Variants in MAGI2 observed in about 807,000 individuals in gnomAD.
The protein encoded by MAGI2 is membrane-associated guanylate kinase, WW and PDZ domain-containing protein 2.
A neutral mutation model predicts 133.3 loss-of-function variants in MAGI2; 35 were observed. The observed-to-expected ratio is 0.26, with a 90% CI of 0.20 to 0.35. The LOEUF is 0.35. Among genes scored for constraint, MAGI2 ranks in the 10% least tolerant of loss-of-function variants. MAGI2 has a pLI of 1.00. For synonymous variants in MAGI2, 729 were observed against 710.6 expected, an observed-to-expected ratio of 1.03 and a Z score of -0.41; for missense variants, 1,636 against 1,863.4, an observed-to-expected ratio of 0.88 and a Z score of 2.25.
intron 16 of MAGI2, among the ~76,000 whole-genome samples, chr7:78,141,517 T>G (rs1470703675): frequency 2.0e-5 from 3 of 152,156 alleles, no homozygotes; most frequent in Non-Finnish European, 4.4e-5. Context: ...GTTTTGTATT[T>G]TAAAGTTTTT....
At chr7:79,222,625 T>G (rs891261949) in intron 1 of MAGI2, among the ~76,000 whole-genome samples, 10 of 152,156 alleles carry the variant, frequency 6.6e-5, no homozygotes, top group African/African-American at 2.2e-4. Flanking sequence ...ACTATCTCCC[T>G]TAACATCTAT....
chr7:78,546,392 A>G (rs1423501885), intron 3 of MAGI2, among the ~76,000 whole-genome samples: 1 of 152,176 alleles, frequency 6.6e-6, no homozygotes, highest in Non-Finnish European at 1.5e-5. Flanking sequence ...TTGAACATGT[A>G]AGATCCACTC....
chr7:79,183,377 T>C (rs1826787491), intron 1 of MAGI2, among the ~76,000 whole-genome samples: 1 of 151,770 alleles, frequency 6.6e-6, no homozygotes, highest in Non-Finnish European at 1.5e-5. Context: ...TAAAACAGTA[T>C]CATCATCCAA....
intron 20 of MAGI2, among the ~76,000 whole-genome samples, chr7:78,121,000 C>CAAAAAAAA (rs67572219): frequency 1.9e-4 from 14 of 75,130 alleles, no homozygotes; most frequent in Admixed American, 3.5e-4. Flanking sequence ...GACTCCGTCT[C>CAAAAAAAA]AAAAAAAAAA....
chr7:78,438,634 C>T (rs998869103), intron 6 of MAGI2, among the ~76,000 whole-genome samples: 4 of 152,180 alleles, frequency 2.6e-5, no homozygotes, highest in Non-Finnish European at 4.4e-5. Context: ...TCTGTACTCA[C>T]TCCAAACCTG....
intron 1 of MAGI2, among the ~76,000 whole-genome samples, chr7:79,211,831 C>CT (rs1829523985): frequency 6.6e-6 from 1 of 151,912 alleles, no homozygotes; most frequent in African/African-American, 2.4e-5. Context: ...GGTAAAACGG[C>CT]TTAGAAGTAA....
intron 3 of MAGI2, among the ~76,000 whole-genome samples, chr7:78,612,138 T>TC (rs1806518801): frequency 6.6e-6 from 1 of 152,202 alleles, no homozygotes; most frequent in African/African-American, 2.4e-5. Flanking sequence ...AATTTTTTTT[T>TC]CAGTAATAGA....
chr7:78,499,842 C>T (rs1485766226), intron 5 of MAGI2, among the ~76,000 whole-genome samples: 3 of 152,094 alleles, frequency 2.0e-5, no homozygotes, highest in Non-Finnish European at 4.4e-5. Flanking sequence ...GATCTCATAT[C>T]TAAGATTTGT....
chr7:78,605,635 A>G lies in MAGI2; in HGVS notation c.538+21485T>C, dbSNP rs138030827. Among the ~76,000 whole-genome samples the G allele has an allele frequency of 4.9e-4, 74 of 152,346 alleles. 2 individuals carry two copies. Among genetic ancestry groups the G allele is most frequent in the African/African-American group, 1.7e-3 (71 of 41,582 alleles). On this transcript the variant is annotated intron_variant, in intron 3 of 21. Transcript: ENST00000354212. The stretch of plus-strand genomic sequence containing the variant: ...GAAGCCTATCGGGGACATAGAACAC[A>G]GAGCATGCTGAAGTCTGTTTGGAGA...
intron 20 of MAGI2, among the ~76,000 whole-genome samples, chr7:78,099,030 T>A (rs1397802654): frequency 6.6e-6 from 1 of 152,152 alleles, no homozygotes; most frequent in Non-Finnish European, 1.5e-5. Context: ...TACAAATGAT[T>A]TCCAAAGTCT....
intron 1 of MAGI2, among the ~76,000 whole-genome samples, chr7:79,040,361 T>G (rs1037361297): frequency 6.6e-6 from 1 of 152,022 alleles, no homozygotes; most frequent in African/African-American, 2.4e-5. Flanking sequence ...AATTACCCAG[T>G]CTTGGACAGT....
intron 3 of MAGI2, among the ~76,000 whole-genome samples, chr7:78,593,097 G>A (rs1261689588): frequency 6.0e-5 from 9 of 150,258 alleles, no homozygotes; most frequent in Admixed American, 2.0e-4. Flanking sequence ...CTAGGATTAC[G>A]GGCGTGAACC....
intron 5 of MAGI2, among the ~76,000 whole-genome samples, chr7:78,491,939 G>A (rs1793660954): frequency 6.6e-6 from 1 of 151,180 alleles, no homozygotes. Flanking sequence ...ATGTTTCTAT[G>A]AGGTGGGGAG....
chr7:79,137,807 C>T (rs1821733098), intron 1 of MAGI2, among the ~76,000 whole-genome samples: 1 of 152,006 alleles, frequency 6.6e-6, no homozygotes, highest in Admixed American at 6.5e-5. Context: ...ATAGTACCCC[C>T]CACCCCACAA....
At chr7:79,300,462 T>A (rs1392220218) in intron 1 of MAGI2, among the ~76,000 whole-genome samples, 4 of 152,208 alleles carry the variant, frequency 2.6e-5, no homozygotes, top group African/African-American at 7.2e-5. Flanking sequence ...ATTTAGGGTA[T>A]CTGGTAGAAG....
At chr7:78,133,147 G>T in intron 17 of MAGI2, 87 bp from the exon 18 acceptor site, 1 of 1,041,940 alleles carries the variant, frequency 9.6e-7, no homozygotes, top group Non-Finnish European at 1.4e-6. Flanking sequence ...CTTTGCCTCT[G>T]CTGATGGCTC....
At chr7:79,317,077 C>CAATGAG (rs1185527998) in intron 1 of MAGI2, among the ~76,000 whole-genome samples, 1 of 133,042 alleles carries the variant, frequency 7.5e-6, no homozygotes, top group Non-Finnish European at 1.5e-5. Context: ...GGCTGGAGTG[C>CAATGAG]AATGGCATGA....
intron 2 of MAGI2, among the ~76,000 whole-genome samples, chr7:78,811,784 G>A (rs912050384): frequency 1.3e-5 from 2 of 152,188 alleles, no homozygotes; most frequent in Non-Finnish European, 2.9e-5. Flanking sequence ...GGTGTGGTAG[G>A]CTGAATAATG....
At position 79,432,600 on chromosome 7, in the gene MAGI2, GAA is replaced by G. The variant is rs150645271; in HGVS notation, c.301+20418_301+20419del. 2.8e-3 allele frequency among the ~76,000 whole-genome samples: 419 copies of G among 152,270 alleles called. 1 individual carries two copies. The highest frequency in any genetic ancestry group is 9.6e-3 in the African/African-American group (397 of 41,560). On this transcript the variant is annotated intron_variant, in intron 1 of 21. Transcript: ENST00000354212. ...TGCCTGAGGTTTTCCTTGCTTTTCA[GAA>G]AAAACAAGTACAAGTTCTCTTGAAG...
Sources: gnomAD v4.1 joint callset for allele counts (sites outside exome capture counted in the v4.1 genomes callset) on GRCh38, gnomAD v4.1.1 for gene constraint, MANE v1.5 for transcripts, NCBI Gene and HGNC (gene_info 2026-07-23, HGNC 2026-07-21) for gene names.